KLHL32: variants seen among roughly 807,000 people sequenced by gnomAD.
KLHL32 encodes kelch-like protein 32.
In KLHL32, 35 loss-of-function variants were observed where a neutral mutation model predicts 64.8. The ratio of observed to expected loss-of-function variants is 0.54; its 90% confidence interval spans 0.41 to 0.72. KLHL32 has a LOEUF of 0.72. Among genes scored for constraint, KLHL32 ranks in the 30% least tolerant of loss-of-function variants. The pLI, the probability that KLHL32 is intolerant of heterozygous loss-of-function variation, is 0.00. For missense variants in KLHL32, 589 were observed against 768.5 expected (o/e 0.77, Z 2.76); for synonymous variants, 259 against 281.0 (o/e 0.92, Z 0.78).
upstream of KLHL32, among the ~76,000 whole-genome samples, chr6:96,921,950 A>G (rs762586580): frequency 1.8e-4 from 27 of 152,222 alleles, no homozygotes; most frequent in Non-Finnish European, 1.2e-4. Context: ...AGAAAAACAA[A>G]AAAGTGTTAC....
At chr6:96,915,932 C>CA in the KLHL32 span, among the ~76,000 whole-genome samples, 2,740 of 151,952 alleles carry the variant, frequency 0.018, 118 homozygotes, top group East Asian at 0.19. Context: ...TTTCCTTTCC[C>CA]AAAAAAGAAA....
chr6:97,033,956 C>G (rs1033542914), intron 3 of KLHL32, among the ~76,000 whole-genome samples: 2 of 151,900 alleles, frequency 1.3e-5, no homozygotes, highest in African/African-American at 4.8e-5. Flanking sequence ...ATATGGCTTG[C>G]AAATATTTTT....
intron 3 of KLHL32, among the ~76,000 whole-genome samples, chr6:96,990,211 G>C (rs183001517): frequency 6.6e-6 from 1 of 152,178 alleles, no homozygotes; most frequent in African/African-American, 2.4e-5. Context: ...TCTTATCTCT[G>C]TGTGCTGATG....
At chr6:97,122,600 T>C (rs1246227339) in intron 7 of KLHL32, among the ~76,000 whole-genome samples, 1 of 152,180 alleles carries the variant, frequency 6.6e-6, no homozygotes, top group Non-Finnish European at 1.5e-5. Flanking sequence ...CTTTAGGTAA[T>C]TAAATTGTAA....
At chr6:96,929,630 C>T (rs185719112) in intron 1 of KLHL32, among the ~76,000 whole-genome samples, 292 of 152,254 alleles carry the variant, frequency 1.9e-3, no homozygotes, top group African/African-American at 6.5e-3. Context: ...AGATCTTTAC[C>T]TAAGAGGAGC....
At chr6:97,072,092 A>G (rs368439274) in intron 5 of KLHL32, among the ~76,000 whole-genome samples, 139 of 152,238 alleles carry the variant, frequency 9.1e-4, no homozygotes, top group African/African-American at 3.2e-3. Flanking sequence ...TCTCAGGCAC[A>G]TGACCTCTCT....
the KLHL32 span, among the ~76,000 whole-genome samples, chr6:96,912,320 T>A: frequency 6.6e-6 from 1 of 152,166 alleles, no homozygotes; most frequent in Non-Finnish European, 1.5e-5. Flanking sequence ...AACTTGCTCA[T>A]CACCCTGATT....
At chr6:97,067,835 C>G (rs1365169235) in intron 5 of KLHL32, among the ~76,000 whole-genome samples, 1 of 152,180 alleles carries the variant, frequency 6.6e-6, no homozygotes, top group Non-Finnish European at 1.5e-5. Context: ...GGCTTCATCT[C>G]CAGCCACTGT....
chr6:96,942,654 G>GGGGGGTGTGT (rs1554202843), intron 1 of KLHL32, among the ~76,000 whole-genome samples: 2 of 144,322 alleles, frequency 1.4e-5, no homozygotes, highest in African/African-American at 5.2e-5. Context: ...ACAGCTGTGG[G>GGGGGGTGTGT]GTGTGTGTGT....
chr6:97,123,545 C>T (rs1174287733), intron 7 of KLHL32, among the ~76,000 whole-genome samples: 1 of 152,122 alleles, frequency 6.6e-6, no homozygotes, highest in Non-Finnish European at 1.5e-5. Context: ...CAGGGTTGCT[C>T]ATTTTCAATT....
intron 3 of KLHL32, among the ~76,000 whole-genome samples, chr6:96,990,099 A>G (rs879308323): frequency 1.4e-4 from 21 of 152,188 alleles, no homozygotes; most frequent in African/African-American, 4.6e-4. Context: ...CATTTCAGCC[A>G]TTTCAGCCTG....
At chr6:96,905,736 C>A in the KLHL32 span, among the ~76,000 whole-genome samples, 2 of 152,074 alleles carry the variant, frequency 1.3e-5, no homozygotes, top group South Asian at 2.1e-4. Context: ...TAATAGGAAA[C>A]ATTTTAATAA....
intron 1 of KLHL32, among the ~76,000 whole-genome samples, chr6:96,951,024 G>C (rs1220263363): frequency 6.6e-6 from 1 of 152,144 alleles, no homozygotes; most frequent in Non-Finnish European, 1.5e-5. Flanking sequence ...CTCACAAAAC[G>C]TGTAATTCTG....
chr6:97,137,122 C>T (rs1261430830), intron 10 of KLHL32, among the ~76,000 whole-genome samples: 4 of 152,092 alleles, frequency 2.6e-5, no homozygotes, highest in Non-Finnish European at 5.9e-5. Flanking sequence ...GAAATACTAG[C>T]CAAAACCCCA....
chr6:97,065,311 T>G (rs1789566720), intron 5 of KLHL32, among the ~76,000 whole-genome samples: 1 of 152,214 alleles, frequency 6.6e-6, no homozygotes. Flanking sequence ...TTCACAGTTG[T>G]TTCACATTCA....
At chr6:96,935,720 G>C (rs973067232) in intron 1 of KLHL32, among the ~76,000 whole-genome samples, 2 of 152,116 alleles carry the variant, frequency 1.3e-5, no homozygotes, top group Non-Finnish European at 2.9e-5. Context: ...GCATAGAGAA[G>C]TCCAGTGACC....
At chr6:97,094,259 T>G (rs1794659657) in intron 6 of KLHL32, among the ~76,000 whole-genome samples, 1 of 152,124 alleles carries the variant, frequency 6.6e-6, no homozygotes, top group African/African-American at 2.4e-5. Flanking sequence ...TTCTGGGAGT[T>G]CTATAGGAGA....
intron 3 of KLHL32, among the ~76,000 whole-genome samples, chr6:97,008,646 A>G (rs1286697670): frequency 6.6e-6 from 1 of 151,924 alleles, no homozygotes; most frequent in African/African-American, 2.4e-5. Flanking sequence ...AGGATTCTGG[A>G]GATCCAAGGT....
Position 97,022,470 on chromosome 6 carries a change from A to ATTTT in KLHL32, c.205-19009_205-19006dup, listed in dbSNP as rs145998879. On this transcript the variant is annotated intron_variant, in intron 3 of 10. Coordinates refer to ENST00000369261, the MANE Select transcript of KLHL32 (RefSeq NM_052904.4). ...CTAATTTTACCTGTGATAACACCTA[A>ATTTT]TTTTTTTTTTTTTTTTGAGATGGAG... is the stretch of plus-strand genomic sequence containing the variant. Among the ~76,000 whole-genome samples, 11 of 138,976 alleles carry ATTTT rather than the reference A, an allele frequency of 7.9e-5. 1 individual carries two copies. Among genetic ancestry groups the ATTTT allele is most frequent in the African/African-American group, 2.5e-4 (9 of 35,870 alleles). The allele number at this position is 138,976 out of a possible 152,430, so 91.2% of individuals were successfully genotyped here. A position where few individuals can be genotyped will look rare whatever the true frequency, so the allele number is the denominator to read the frequency against.
Sources: allele counts gnomAD v4.1 joint callset (sites outside exome capture counted in the v4.1 genomes callset), GRCh38; gene constraint gnomAD v4.1.1; transcripts MANE v1.5; gene names NCBI Gene and HGNC (gene_info 2026-07-23, HGNC 2026-07-21).